ABR: variants seen among roughly 807,000 people sequenced by gnomAD.
ABR encodes the protein ABR activator of RhoGEF and GTPase.
Under a neutral mutation model 107.2 loss-of-function variants are expected in ABR, and 35 were observed. That is an observed-to-expected ratio of 0.33 (90% CI 0.25 to 0.43). The LOEUF (loss-of-function observed/expected upper bound fraction) is 0.43. Among genes scored for constraint, ABR ranks in the 20% least tolerant of loss-of-function variants. The pLI is 1.00. For missense variants in ABR, 815 were observed against 1,115.2 expected, an observed-to-expected ratio of 0.73 and a Z score of 3.83; for synonymous variants, 498 against 462.0, an observed-to-expected ratio of 1.08 and a Z score of -1.00.
chr17:1,203,639 G>C (rs1337187061), intron 1 of ABR, among the ~76,000 whole-genome samples: 1 of 152,178 alleles, frequency 6.6e-6, no homozygotes, highest in Non-Finnish European at 1.5e-5. Flanking sequence ...GAGGAGCCCG[G>C]CGAGTGTTCG....
At chr17:1,199,943 C>G (rs1449660613) in intron 1 of ABR, among the ~76,000 whole-genome samples, 1 of 147,230 alleles carries the variant, frequency 6.8e-6, no homozygotes, top group Admixed American at 6.8e-5. Context: ...TTTTATTATA[C>G]TTTAAATTTT....
intron 1 of ABR, among the ~76,000 whole-genome samples, chr17:1,195,304 C>CAAAAAAATAAA (rs1211357866): frequency 1.1e-5 from 1 of 87,638 alleles, no homozygotes; most frequent in Non-Finnish European, 2.4e-5. Context: ...GAGACTGTCT[C>CAAAAAAATAAA]AAAAAAAAAA....
chr17:1,153,475 T>C (rs76344344), intron 1 of ABR, among the ~76,000 whole-genome samples: 57 of 105,090 alleles, frequency 5.4e-4, no homozygotes, highest in African/African-American at 7.8e-4. Flanking sequence ...GGGCTGGGGG[T>C]CCAGGCACAC....
At chr17:1,076,847 G>A (rs1016259961) in intron 6 of ABR, among the ~76,000 whole-genome samples, 6 of 152,066 alleles carry the variant, frequency 3.9e-5, no homozygotes, top group Admixed American at 6.5e-5. Context: ...GAGAACTCAG[G>A]GTGAGGCACT....
intron 16 of ABR, among the ~76,000 whole-genome samples, chr17:1,034,906 G>A (rs113028063): frequency 0.01 from 1,564 of 152,176 alleles, 22 homozygotes; most frequent in African/African-American, 0.035. Flanking sequence ...CCCAAGGCCC[G>A]GCACTCATCT....
Position 1,012,704 on chromosome 17 carries a change from T to C in ABR, c.1945A>G (p.Ile649Val). Reference protein sequence around the residue: ...KKQTGVFGVKISVVTKRERSK... With the variant: ...KKQTGVFGVKVSVVTKRERSK... Reference sequence around the variant, plus strand: ...AGCACCTACTTCGTCACCACGCTGATCTTCACACCGAAGACGCCGGTCTGC... The same window carrying C: ...AGCACCTACTTCGTCACCACGCTGACCTTCACACCGAAGACGCCGGTCTGC... The change falls in exon 18 of 23, where the codon ATC (isoleucine) becomes GTC (valine). Residue 649 changes from isoleucine to valine, a missense_variant. Physicochemically the swap from Ile to Val is conservative, Grantham distance 29. Around this residue, in one of 5 missense-constraint regions of ABR, gnomAD observed 175 missense variants for 284.3 expected, o/e 0.62. Coordinates refer to ENST00000302538, the MANE Select transcript of ABR (RefSeq NM_021962.5). The C allele has an allele frequency of 6.3e-7, 1 of 1,585,972 alleles. No individual in the cohort carries two copies. The highest frequency in any genetic ancestry group is 8.6e-7 in the Non-Finnish European group (1 of 1,164,784).
chr17:1,013,206 G>A (rs9894835), intron 16 of ABR, 42 bp from the exon 17 acceptor site: 443,726 of 1,596,198 alleles, frequency 0.28, 62,878 homozygotes, highest in East Asian at 0.31. Context: ...CCAGCTCGGA[G>A]GCCAAGCCAG....
chr17:1,071,707 T>G lies in ABR; in HGVS notation c.894+907A>C, dbSNP rs773071588. ...GCTCCAAGCTCCTGCTCCCTTCGCTTCCTAGGAGACCCTGACGGCATCACA... is the reference window on the plus strand; with the variant it reads ...GCTCCAAGCTCCTGCTCCCTTCGCTGCCTAGGAGACCCTGACGGCATCACA... On this transcript the variant is annotated intron_variant, in intron 8 of 22. Coordinates refer to ENST00000302538, the MANE Select transcript of ABR (RefSeq NM_021962.5). The surrounding 1 kb of genome is among the most constrained non-coding windows in gnomAD (Gnocchi z 5.1). Among the ~76,000 whole-genome samples the G allele has an allele frequency of 2.6e-5, 4 of 152,188 alleles. No homozygotes were observed. The highest frequency in any genetic ancestry group is 5.9e-5 in the Non-Finnish European group (4 of 68,022).
At chr17:1,226,116 A>G (rs1260295180) in intron 1 of ABR, among the ~76,000 whole-genome samples, 1 of 152,200 alleles carries the variant, frequency 6.6e-6, no homozygotes, top group African/African-American at 2.4e-5. Context: ...GAGACAGTGA[A>G]TAAGACCCAC....
chr17:1,042,971 G>A (rs773332755), intron 16 of ABR, among the ~76,000 whole-genome samples: 3 of 152,322 alleles, frequency 2.0e-5, no homozygotes, highest in Admixed American at 6.5e-5. Flanking sequence ...TTCCACCTAC[G>A]TAAGGTTCCC....
intron 9 of ABR, 90 bp from the exon 10 acceptor site, chr17:1,067,332 A>G (rs112627088): frequency 3.6e-4 from 51 of 141,720 alleles, no homozygotes; most frequent in Non-Finnish European, 3.9e-4. Context: ...AACCACTGAC[A>G]GGGGTTGACT....
intron 2 of ABR, among the ~76,000 whole-genome samples, chr17:1,111,178 T>A (rs2038654801): frequency 6.6e-6 from 1 of 152,068 alleles, no homozygotes; most frequent in Non-Finnish European, 1.5e-5. Context: ...GGACATGAGG[T>A]GCCCTTGGAA....
intron 12 of ABR, among the ~76,000 whole-genome samples, chr17:1,057,559 G>C (rs1377673668): frequency 6.6e-6 from 1 of 151,670 alleles, no homozygotes; most frequent in Non-Finnish European, 1.5e-5. Context: ...TGTGTTTTTA[G>C]TAGAGACGGG....
At chr17:1,086,029 C>T (rs1019280034) in intron 4 of ABR, among the ~76,000 whole-genome samples, 2 of 152,012 alleles carry the variant, frequency 1.3e-5, no homozygotes, top group African/African-American at 4.8e-5. Context: ...ATCTGTAGTC[C>T]CAGCTACTTG....
chr17:1,107,051 G>C (rs2038300918), intron 2 of ABR, among the ~76,000 whole-genome samples: 1 of 152,264 alleles, frequency 6.6e-6, no homozygotes, highest in Non-Finnish European at 1.5e-5. Flanking sequence ...TGAGGCCAAT[G>C]CCGGTAGAGG....
intron 1 of ABR, chr17:1,155,933 CA>C (rs1421747614): frequency 2.5e-5 from 2 of 80,986 alleles, no homozygotes; most frequent in East Asian, 7.5e-4. Context: ...CCAGCCTGGG[CA>C]AAAGAGCGAA....
In ABR at chr17:1,006,273, C is replaced by T. The variant is rs912028550; in HGVS notation, c.2491-104G>A. On this transcript the variant is annotated intron_variant, in intron 22 of 22. Transcript: ENST00000302538. ...TCCCACTCCCTAGACTGGCTCCGGC[C>T]ACCGCCCCTTCCTGGGGAGCCCAGG... 5 of 1,052,430 alleles carry T rather than the reference C, an allele frequency of 4.8e-6. No individual in the cohort carries two copies. The African/African-American group carries it at 6.3e-5, about 13-fold the overall frequency. The allele number at this position is 1,052,430 out of a possible 1,614,324, so 65.2% of individuals were successfully genotyped here. A position where few individuals can be genotyped will look rare whatever the true frequency, so the allele number is the denominator to read the frequency against.
At chr17:1,031,673 C>T (rs1567613984) in intron 16 of ABR, 9 of 1,257,932 alleles carry the variant, frequency 7.2e-6, no homozygotes, top group Non-Finnish European at 8.0e-6. Context: ...TGCTCCCCGA[C>T]TCCTCCAGCG....
intron 2 of ABR, among the ~76,000 whole-genome samples, chr17:1,116,219 CAAAT>C (rs1433953621): frequency 1.3e-5 from 2 of 152,146 alleles, no homozygotes; most frequent in African/African-American, 4.8e-5. Context: ...GACGCCATCT[CAAAT>C]AAATAAATTA....
Sources: allele counts gnomAD v4.1 joint callset (sites outside exome capture counted in the v4.1 genomes callset), GRCh38; gene constraint gnomAD v4.1.1; regional missense constraint gnomAD v4.1.1; non-coding constraint Gnocchi (gnomAD v3.1); transcripts MANE v1.5; gene names NCBI Gene and HGNC (gene_info 2026-07-23, HGNC 2026-07-21).